Variants in ASIC2 observed in about 807,000 individuals in gnomAD.
ASIC2 encodes the protein acid-sensing ion channel 2.
A neutral mutation model predicts 57.3 loss-of-function variants in ASIC2; 25 were observed. That is an observed-to-expected ratio of 0.44 (90% CI 0.32 to 0.61). The LOEUF is 0.61. Among genes scored for constraint, ASIC2 ranks in the 20% least tolerant of loss-of-function variants. The pLI is 0.06. For synonymous variants in ASIC2, 319 were observed against 307.5 expected (o/e 1.04, Z -0.39); for missense variants, 641 against 738.1 (o/e 0.87, Z 1.52).
intron 1 of ASIC2, among the ~76,000 whole-genome samples, chr17:34,115,365 C>A (rs981010369): frequency 6.6e-6 from 1 of 152,182 alleles, no homozygotes; most frequent in African/African-American, 2.4e-5. Flanking sequence ...CCGTTCAGTA[C>A]TAGAATCTCC....
chr17:33,291,567 C>A lies in ASIC2; in HGVS notation c.549G>T (p.Gln183His). ...ELLRGDEPRR[Q>H]WFRKLADFRL... is the part of the protein sequence containing the mutation. The stretch of plus-strand genomic sequence containing the variant: ...GGAAGTCCGCCAGCTTGCGGAACCA[C>A]TGGCGGCGCGGCTCGTCGCCCCGCA... Residue 183 changes from glutamine to histidine, a missense_variant, in exon 1 of 10, where the codon CAG (glutamine) becomes CAT (histidine). This residue lies in a region of ASIC2 where 382 missense variants were observed against 398.0 expected (regional missense o/e 0.96). Coordinates refer to ENST00000225823, the MANE Select transcript of ASIC2 (RefSeq NM_183377.2). 1 of 1,611,450 alleles carries A rather than the reference C, an allele frequency of 6.2e-7. No homozygotes were observed. The highest frequency in any genetic ancestry group is 8.5e-7 in the Non-Finnish European group (1 of 1,179,250).
intron 7 of ASIC2, among the ~76,000 whole-genome samples, chr17:33,017,899 CTGATG>C (rs1403226391): frequency 2.6e-5 from 4 of 152,370 alleles, no homozygotes; most frequent in African/African-American, 7.2e-5. Flanking sequence ...GGGGACTAAG[CTGATG>C]GCTTATTGGA....
intron 1 of ASIC2, among the ~76,000 whole-genome samples, chr17:33,252,320 T>G (rs1386885616): frequency 6.6e-6 from 1 of 152,190 alleles, no homozygotes; most frequent in Non-Finnish European, 1.5e-5. Context: ...GTGAAGGAAA[T>G]GCAAATTAGC....
At position 33,270,468 on chromosome 17, in the gene ASIC2, C is replaced by T. The variant is rs1220419973; in HGVS notation, c.708+20940G>A. ...AAATTTGATACTGTCAATCCATACA[C>T]CCTGTTTAAAATTCTTCTCTGGTCT... is the stretch of plus-strand genomic sequence containing the variant. On this transcript the variant is annotated intron_variant, in intron 1 of 9. Coordinates refer to ENST00000225823, the MANE Select transcript of ASIC2 (RefSeq NM_183377.2). 5.3e-5 allele frequency among the ~76,000 whole-genome samples: 8 copies of T among 152,192 alleles called. 1 individual carries two copies. The highest frequency in any genetic ancestry group is 1.2e-4 in the Non-Finnish European group (8 of 68,042).
intron 1 of ASIC2, among the ~76,000 whole-genome samples, chr17:33,187,894 T>C (rs1597621599): frequency 1.1e-5 from 1 of 94,576 alleles, no homozygotes; most frequent in East Asian, 2.8e-4. Flanking sequence ...CAATCAAAAA[T>C]GGTCAGGGAT....
At chr17:33,381,024 C>T (rs538076216) in intron 1 of ASIC2, among the ~76,000 whole-genome samples, 7 of 152,294 alleles carry the variant, frequency 4.6e-5, no homozygotes, top group East Asian at 1.9e-4. Context: ...GCTGGAATCT[C>T]GGCTCACAGT....
intron 1 of ASIC2, among the ~76,000 whole-genome samples, chr17:33,272,112 C>T (rs545774616): frequency 6.6e-6 from 1 of 152,348 alleles, no homozygotes; most frequent in South Asian, 2.1e-4. Flanking sequence ...GATCTTGGCT[C>T]AAATGCCACC....
chr17:33,137,131 T>A (rs1292806510), intron 1 of ASIC2, among the ~76,000 whole-genome samples: 2 of 152,220 alleles, frequency 1.3e-5, no homozygotes, highest in Non-Finnish European at 2.9e-5. Flanking sequence ...AAGGAAGCTT[T>A]GACTCCACTC....
chr17:33,755,888 G>T (rs1391114781), intron 1 of ASIC2, among the ~76,000 whole-genome samples: 3 of 152,216 alleles, frequency 2.0e-5, no homozygotes, highest in Non-Finnish European at 4.4e-5. Context: ...GCACGAGGAG[G>T]GCAGAGAGGG....
chr17:33,364,708 G>A (rs767012327), intron 1 of ASIC2, among the ~76,000 whole-genome samples: 1 of 152,158 alleles, frequency 6.6e-6, no homozygotes, highest in Non-Finnish European at 1.5e-5. Context: ...GTGGAACCAT[G>A]AGCTGATTAA....
chr17:33,209,365 A>G (rs1907187933), intron 1 of ASIC2, among the ~76,000 whole-genome samples: 1 of 151,960 alleles, frequency 6.6e-6, no homozygotes, highest in Non-Finnish European at 1.5e-5. Flanking sequence ...TTGTGGGGGA[A>G]AAAAAAACCC....
intron 1 of ASIC2, among the ~76,000 whole-genome samples, chr17:34,088,694 T>C (rs1409441000): frequency 2.6e-5 from 4 of 152,238 alleles, no homozygotes; most frequent in Non-Finnish European, 4.4e-5. Context: ...CTCCACCCAG[T>C]TCAAGCTTCC....
At chr17:33,755,167 G>GT (rs1380142196) in intron 1 of ASIC2, among the ~76,000 whole-genome samples, 1 of 152,144 alleles carries the variant, frequency 6.6e-6, no homozygotes, top group Non-Finnish European at 1.5e-5. Context: ...CAGAAAAGGA[G>GT]AGGACAATGT....
At chr17:33,449,253 A>T (rs1047739581) in intron 1 of ASIC2, among the ~76,000 whole-genome samples, 4 of 152,052 alleles carry the variant, frequency 2.6e-5, no homozygotes, top group African/African-American at 4.8e-5. Context: ...TCTCATCATT[A>T]TCTCCCCAGA....
chr17:33,151,325 GA>G (rs1904789706), intron 1 of ASIC2, among the ~76,000 whole-genome samples: 2 of 151,646 alleles, frequency 1.3e-5, no homozygotes, highest in South Asian at 4.2e-4. Context: ...AGTGAGCCGA[GA>G]TAGCGCCACT....
chr17:33,266,807 G>C (rs1319430332), intron 1 of ASIC2, among the ~76,000 whole-genome samples: 1 of 152,070 alleles, frequency 6.6e-6, no homozygotes, highest in African/African-American at 2.4e-5. Flanking sequence ...AAAGGCAGGG[G>C]GCCATTACCT....
intron 1 of ASIC2, among the ~76,000 whole-genome samples, chr17:33,618,811 A>T (rs972997458): frequency 6.6e-6 from 1 of 152,214 alleles, no homozygotes; most frequent in African/African-American, 2.4e-5. Flanking sequence ...TTTATTAATA[A>T]GCCTCATCTG....
intron 1 of ASIC2, among the ~76,000 whole-genome samples, chr17:33,650,358 C>CTGGA (rs10652040): frequency 0.022 from 3,336 of 152,216 alleles, 105 homozygotes; most frequent in African/African-American, 0.075. Flanking sequence ...ATGGGAGAAA[C>CTGGA]TGGATCACTC....
chr17:33,036,435 AT>A (rs1415796033), intron 3 of ASIC2, among the ~76,000 whole-genome samples: 1 of 151,976 alleles, frequency 6.6e-6, no homozygotes, highest in Non-Finnish European at 1.5e-5. Context: ...TATTTATTTA[AT>A]TAGTTAGTTT....
Sources: gnomAD v4.1 joint callset for allele counts (sites outside exome capture counted in the v4.1 genomes callset) on GRCh38, gnomAD v4.1.1 for gene constraint, gnomAD v4.1.1 regional missense constraint, MANE v1.5 for transcripts, NCBI Gene and HGNC (gene_info 2026-07-23, HGNC 2026-07-21) for gene names.